The following CDH8 variants were observed in gnomAD, a reference collection of about 807,000 sequenced individuals.
The protein encoded by CDH8 is cadherin-8.
CDH8 carries 17 observed loss-of-function variants against 68.1 expected under a neutral mutation model. The observed-to-expected ratio is 0.25, with a 90% CI of 0.17 to 0.37. CDH8 has a LOEUF of 0.37. CDH8 is among the 10% of genes least tolerant of loss of function. The pLI, the probability that CDH8 is intolerant of heterozygous loss-of-function variation, is 1.00. For missense variants in CDH8, 763 were observed against 999.3 expected (o/e 0.76, Z 3.19); for synonymous variants, 372 against 365.1 (o/e 1.02, Z -0.21).
chr16:61,855,102 T>C (rs1225598441), intron 4 of CDH8, among the ~76,000 whole-genome samples: 2 of 152,156 alleles, frequency 1.3e-5, no homozygotes, highest in East Asian at 3.8e-4. Flanking sequence ...CTGTGAATTC[T>C]TCAAGTATCA....
intron 3 of CDH8, among the ~76,000 whole-genome samples, chr16:61,877,605 ACT>A (rs1963485816): frequency 6.6e-6 from 1 of 152,038 alleles, no homozygotes; most frequent in Non-Finnish European, 1.5e-5. Flanking sequence ...GTACTTCCAG[ACT>A]CTACACATTT....
intron 2 of CDH8, among the ~76,000 whole-genome samples, chr16:61,949,847 G>A (rs928382887): frequency 4.6e-5 from 7 of 151,952 alleles, no homozygotes; most frequent in Non-Finnish European, 8.8e-5. Context: ...AAATTAGCCA[G>A]GCATTGTGGT....
At chr16:61,934,181 C>T (rs1319487405) in intron 2 of CDH8, 6 of 152,156 alleles carry the variant, frequency 3.9e-5, no homozygotes, top group Non-Finnish European at 8.8e-5. Context: ...CACCAGGGTC[C>T]CGGCTGCTGA....
chr16:61,739,306 T>G (rs1001170305), intron 8 of CDH8, among the ~76,000 whole-genome samples: 2 of 152,192 alleles, frequency 1.3e-5, no homozygotes, highest in Non-Finnish European at 2.9e-5. Flanking sequence ...GATTAAACAT[T>G]CATTTAATAC....
chr16:61,683,242 G>A (rs1464975022), intron 10 of CDH8, among the ~76,000 whole-genome samples: 1 of 151,768 alleles, frequency 6.6e-6, no homozygotes, highest in Non-Finnish European at 1.5e-5. Flanking sequence ...TACCTTAACT[G>A]AAAAATAAAA....
intron 10 of CDH8, among the ~76,000 whole-genome samples, chr16:61,672,200 T>C (rs1819609470): frequency 6.6e-6 from 1 of 152,092 alleles, no homozygotes; most frequent in Non-Finnish European, 1.5e-5. Context: ...ACCATCAAAT[T>C]CTTCACACTT....
intron 2 of CDH8, among the ~76,000 whole-genome samples, chr16:61,955,211 A>C (rs1247400931): frequency 4.6e-5 from 7 of 152,218 alleles, no homozygotes; most frequent in Admixed American, 4.6e-4. Context: ...AAAGCTGCCT[A>C]CTTACATACT....
intron 8 of CDH8, among the ~76,000 whole-genome samples, chr16:61,756,938 A>C (rs2142959734): frequency 6.6e-6 from 1 of 152,072 alleles, no homozygotes; most frequent in African/African-American, 2.4e-5. Context: ...GCCCCTATAG[A>C]CCCCTGCAGT....
At chr16:61,973,157 A>T (rs989582822) in intron 2 of CDH8, among the ~76,000 whole-genome samples, 5 of 151,862 alleles carry the variant, frequency 3.3e-5, no homozygotes, top group African/African-American at 1.2e-4. Context: ...ACCTCTTCTG[A>T]CTCTGCCACC....
intron 3 of CDH8, among the ~76,000 whole-genome samples, chr16:61,859,614 A>G (rs1963114448): frequency 6.6e-6 from 1 of 152,198 alleles, no homozygotes; most frequent in African/African-American, 2.4e-5. Flanking sequence ...CAGTAGTTCA[A>G]TTAAGAGAGG....
At chr16:61,699,905 T>G (rs1440413092) in intron 10 of CDH8, among the ~76,000 whole-genome samples, 1 of 152,210 alleles carries the variant, frequency 6.6e-6, no homozygotes, top group Non-Finnish European at 1.5e-5. Context: ...ACTGAAGTTC[T>G]TGTTCTTGTT....
intron 9 of CDH8, among the ~76,000 whole-genome samples, chr16:61,714,754 G>A (rs969515325): frequency 1.3e-5 from 2 of 151,544 alleles, no homozygotes; most frequent in African/African-American, 4.8e-5. Flanking sequence ...TGTGACAAGC[G>A]GGACAAGAGC....
rs375849945 is a variant in CDH8, at chr16:61,817,540, G to A, written c.1216C>T (p.Leu406=). 11 of 1,613,800 alleles carry A rather than the reference G, an allele frequency of 6.8e-6. No individual in the cohort carries two copies. The highest frequency in any genetic ancestry group is 7.6e-6 in the Non-Finnish European group (9 of 1,179,924). The change falls in exon 7 of 12, where the codon CTA becomes TTA. Residue 406 remains leucine (L), a synonymous_variant. Transcript: ENST00000577390. ...GTCACTTGCCCAATCACGGAGTTTA[G>A]AGCAGCATTTTCATGAACTTCAAGT... ...YLLEVHENAA[L]NSVIGQVTAR... is the part of the protein sequence containing the mutation.
intron 2 of CDH8, among the ~76,000 whole-genome samples, chr16:61,952,006 G>A (rs979495535): frequency 2.0e-5 from 3 of 152,280 alleles, no homozygotes; most frequent in Non-Finnish European, 4.4e-5. Context: ...CTCCCAAGAA[G>A]TTACTGAATA....
At chr16:61,811,023 CAA>C (rs34071898) in intron 7 of CDH8, among the ~76,000 whole-genome samples, 114 of 87,648 alleles carry the variant, frequency 1.3e-3, no homozygotes, top group East Asian at 2.7e-3. Flanking sequence ...GACTCTGTCT[CAA>C]AAAAAAAAAA....
chr16:61,730,797 T>C (rs1336107866), intron 8 of CDH8, among the ~76,000 whole-genome samples: 2 of 151,540 alleles, frequency 1.3e-5, no homozygotes, highest in Non-Finnish European at 1.5e-5. Context: ...TCTCTAGTTA[T>C]CCCTCAAAAT....
rs528648959 is a variant in CDH8 at position 61,914,883 on chromosome 16, G to A, written c.253-13410C>T. Among the ~76,000 whole-genome samples the A allele has an allele frequency of 7.9e-5, 12 of 152,206 alleles. 1 individual carries two copies. Among genetic ancestry groups the A allele is most frequent in the Middle Eastern group, 3.4e-3 (1 of 294 alleles). Reference sequence around the variant, plus strand: ...AGTCAGACACTTTTATCTTGGTCCCGTGAGACCTGTGTTAGACTTCTAACT... The same window carrying A: ...AGTCAGACACTTTTATCTTGGTCCCATGAGACCTGTGTTAGACTTCTAACT... On this transcript the variant is annotated intron_variant, in intron 2 of 11. Coordinates refer to ENST00000577390, the MANE Select transcript of CDH8 (RefSeq NM_001796.5).
rs1380187057 is a variant in CDH8, at chr16:61,931,843, G to A, written c.253-30370C>T. 2.0e-5 allele frequency among the ~76,000 whole-genome samples: 3 copies of A among 152,142 alleles called. No individual in the cohort carries two copies. In the South Asian group the frequency reaches 6.2e-4, roughly 31 times the overall value. On this transcript the variant is annotated intron_variant, in intron 2 of 11. Coordinates refer to ENST00000577390, the MANE Select transcript of CDH8 (RefSeq NM_001796.5). The stretch of plus-strand genomic sequence containing the variant: ...CTGAAAACATAACACAAACATGTTC[G>A]AGGGAGCTCATGCACATATACACAG...
At chr16:61,846,468 GA>G (rs1230338010) in intron 4 of CDH8, among the ~76,000 whole-genome samples, 1 of 151,994 alleles carries the variant, frequency 6.6e-6, no homozygotes, top group Non-Finnish European at 1.5e-5. Flanking sequence ...TCACTTAATT[GA>G]AATTAAAAAT....
Sources: allele counts gnomAD v4.1 joint callset (sites outside exome capture counted in the v4.1 genomes callset), GRCh38; gene constraint gnomAD v4.1.1; transcripts MANE v1.5; gene names NCBI Gene and HGNC (gene_info 2026-07-23, HGNC 2026-07-21).